PHLDB2: variants seen among roughly 807,000 people sequenced by gnomAD.
PHLDB2 encodes the protein pleckstrin homology-like domain family B member 2.
In PHLDB2, 71 loss-of-function variants were observed where a neutral mutation model predicts 123.6. That is an observed-to-expected ratio of 0.57 (90% CI 0.47 to 0.70). The LOEUF (loss-of-function observed/expected upper bound fraction) is 0.70, where lower values mean the gene tolerates loss of function less well. Ranked by LOEUF, PHLDB2 falls within the 30% of genes least tolerant of loss-of-function variation. The pLI, the probability that PHLDB2 is intolerant of heterozygous loss-of-function variation, is 0.00. For synonymous variants in PHLDB2, 547 were observed against 541.6 expected, an observed-to-expected ratio of 1.01 and a Z score of -0.14; for missense variants, 1,446 against 1,519.5, an observed-to-expected ratio of 0.95 and a Z score of 0.80.
chr3:111,793,553 C>T (rs1041704906), intron 1 of PHLDB2, among the ~76,000 whole-genome samples: 4 of 151,932 alleles, frequency 2.6e-5, no homozygotes, highest in Non-Finnish European at 4.4e-5. Context: ...TCCCTTTACA[C>T]TCTGCTCTCC....
chr3:111,967,703 G>C lies in PHLDB2; in HGVS notation c.3194G>C (p.Arg1065Pro), dbSNP rs760147808. 3.1e-6 allele frequency: 5 copies of C among 1,608,172 alleles called. No homozygotes were observed. The highest frequency in any genetic ancestry group is 3.4e-6 in the Non-Finnish European group (4 of 1,178,112). The change falls in exon 15 of 18, where the codon CGA becomes CCA. Residue 1065 changes from arginine to proline, a missense_variant. By Grantham distance (103) the Arg-to-Pro change is moderately radical. Transcript: ENST00000431670. ...SREREMEAKK[R>P]ALEEEKRRRE... Reference sequence around the variant, plus strand: ...GAACGGGAAATGGAAGCCAAAAAACGAGCCCTGGAAGAAGAAAAACGACGC... The same window carrying C: ...GAACGGGAAATGGAAGCCAAAAAACCAGCCCTGGAAGAAGAAAAACGACGC...
chr3:111,840,463 T>G (rs1045437035), intron 1 of PHLDB2, among the ~76,000 whole-genome samples: 1 of 152,188 alleles, frequency 6.6e-6, no homozygotes, highest in Non-Finnish European at 1.5e-5. Context: ...TGTTTTCTAA[T>G]ATTTACTCTA....
chr3:111,958,014 T>C (rs926668462), intron 12 of PHLDB2: 1 of 152,340 alleles, frequency 6.6e-6, no homozygotes, highest in East Asian at 1.9e-4. Context: ...TTTTTGACTA[T>C]GCATGTATCA....
chr3:111,740,619 C>T (rs188847594), intron 1 of PHLDB2, among the ~76,000 whole-genome samples: 50 of 152,204 alleles, frequency 3.3e-4, no homozygotes, highest in Non-Finnish European at 7.4e-5. Context: ...TAACACGTAA[C>T]ACAATATATA....
intron 1 of PHLDB2, among the ~76,000 whole-genome samples, chr3:111,744,351 T>C (rs1027752663): frequency 8.5e-5 from 13 of 152,218 alleles, no homozygotes; most frequent in Non-Finnish European, 1.8e-4. Context: ...GAAGTGTCAA[T>C]TGCTACAACT....
chr3:111,912,000 C>A (rs1036728733), intron 2 of PHLDB2, among the ~76,000 whole-genome samples: 1 of 152,214 alleles, frequency 6.6e-6, no homozygotes, highest in Non-Finnish European at 1.5e-5. Context: ...ATGAGAACAG[C>A]AGTCCAGTGA....
intron 1 of PHLDB2, among the ~76,000 whole-genome samples, chr3:111,860,561 C>T (rs781196284): frequency 6.6e-6 from 1 of 152,220 alleles, no homozygotes; most frequent in Non-Finnish European, 1.5e-5. Flanking sequence ...CCCGCCACCA[C>T]CAGGAAATTA....
chr3:111,972,519 G>T (rs901022914), intron 16 of PHLDB2, among the ~76,000 whole-genome samples: 1 of 118,758 alleles, frequency 8.4e-6, no homozygotes, highest in Non-Finnish European at 2.0e-5. Context: ...CATTACAAAA[G>T]TTCTGATCTC....
chr3:111,929,130 G>A (rs2068969981), intron 5 of PHLDB2, among the ~76,000 whole-genome samples: 1 of 152,086 alleles, frequency 6.6e-6, no homozygotes, highest in African/African-American at 2.4e-5. Flanking sequence ...ATCTGGTATG[G>A]TTGTGCACAC....
chr3:111,882,028 A>G (rs547795079), intron 1 of PHLDB2, among the ~76,000 whole-genome samples: 199 of 152,270 alleles, frequency 1.3e-3, no homozygotes, highest in South Asian at 2.1e-3. Flanking sequence ...CCCTGATTAT[A>G]TATATGTTTT....
rs1577182615 is a variant in PHLDB2, at chr3:111,954,055, A to G, written c.2872+26A>G. ...GTACGTACCTTTTAAATCAAGTGTC[A>G]TGGCCTTTTGTTAAGCATTAGAATT... On this transcript the variant is annotated intron_variant, in intron 12 of 17. Coordinates refer to ENST00000431670, the MANE Select transcript of PHLDB2 (RefSeq NM_001134438.2). 6.9e-6 allele frequency: 11 copies of G among 1,592,458 alleles called. No homozygotes were observed. In the East Asian group the frequency reaches 2.0e-4, roughly 29 times the overall value.
chr3:111,790,161 C>T (rs7649732), intron 1 of PHLDB2, among the ~76,000 whole-genome samples: 65,544 of 151,998 alleles, frequency 0.43, 17,381 homozygotes, highest in East Asian at 0.77. Flanking sequence ...TAGAAATAGG[C>T]ATACTCTGGG....
intron 1 of PHLDB2, among the ~76,000 whole-genome samples, chr3:111,836,619 C>G (rs2063412943): frequency 1.3e-5 from 2 of 152,068 alleles, no homozygotes; most frequent in African/African-American, 4.8e-5. Context: ...CTATAAAGAA[C>G]CACCGGAGTC....
Position 111,919,572 on chromosome 3 carries a change from C to T in PHLDB2, c.1863+357C>T, listed in dbSNP as rs565698570. 4.1e-4 allele frequency among the ~76,000 whole-genome samples: 62 copies of T among 152,238 alleles called. 1 individual carries two copies. The highest frequency in any genetic ancestry group is 6.8e-3 in the Middle Eastern group (2 of 294). The stretch of plus-strand genomic sequence containing the variant: ...TCAAATCCAGCAAATGTTTTCTGAA[C>T]GTGCTTTACTATGAGTTGGATATCA... On this transcript the variant is annotated intron_variant, in intron 4 of 17. Transcript: ENST00000431670.
At chr3:111,915,674 C>G (rs1183344117) in intron 3 of PHLDB2, 1 of 152,582 alleles carries the variant, frequency 6.6e-6, no homozygotes, top group African/African-American at 2.4e-5. Context: ...AAGTGATCTG[C>G]CTGCCTCGGC....
intron 6 of PHLDB2, among the ~76,000 whole-genome samples, chr3:111,937,636 C>A (rs2069581226): frequency 6.6e-6 from 1 of 151,906 alleles, no homozygotes; most frequent in Admixed American, 6.6e-5. Flanking sequence ...ATTAGCCAGG[C>A]ATGGTGGTGT....
At chr3:111,740,632 G>A (rs1426013130) in intron 1 of PHLDB2, among the ~76,000 whole-genome samples, 1 of 152,104 alleles carries the variant, frequency 6.6e-6, no homozygotes, top group South Asian at 2.1e-4. Context: ...AATATATAAT[G>A]CTTAGTTGAC....
Position 111,966,428 on chromosome 3 carries a change from G to A in PHLDB2, c.3078-185G>A, listed in dbSNP as rs113742395. 7.1e-4 allele frequency among the ~76,000 whole-genome samples: 108 copies of A among 151,878 alleles called. 2 individuals carry two copies. Among genetic ancestry groups the A allele is most frequent in the East Asian group, 2.3e-3 (12 of 5,152 alleles). On this transcript the variant is annotated intron_variant, in intron 13 of 17. Transcript: ENST00000431670. ...CAGAGTTGAATTGATTTGCCTCTTC[G>A]GTCCAATGACTCGTAAGTAACATTC...
intron 1 of PHLDB2, among the ~76,000 whole-genome samples, chr3:111,791,034 C>T (rs927707882): frequency 6.6e-6 from 1 of 152,010 alleles, no homozygotes; most frequent in Non-Finnish European, 1.5e-5. Context: ...ATTATCTTCC[C>T]TAACTTTTGG....
Sources: gnomAD v4.1 joint callset for allele counts (sites outside exome capture counted in the v4.1 genomes callset) on GRCh38, gnomAD v4.1.1 for gene constraint, MANE v1.5 for transcripts, NCBI Gene and HGNC (gene_info 2026-07-23, HGNC 2026-07-21) for gene names.